The following NTM variants were observed in gnomAD, a reference collection of about 807,000 sequenced individuals.
NTM encodes IgLON family member 2.
A neutral mutation model predicts 42.1 loss-of-function variants in NTM; 13 were observed. The observed-to-expected ratio is 0.31, with a 90% CI of 0.20 to 0.49. NTM has a LOEUF of 0.49. NTM is among the 20% of genes least tolerant of loss of function. The pLI, the probability that NTM is intolerant of heterozygous loss-of-function variation, is 0.99. For missense variants in NTM, 373 were observed against 452.8 expected, an observed-to-expected ratio of 0.82 and a Z score of 1.60; for synonymous variants, 187 against 179.2, an observed-to-expected ratio of 1.04 and a Z score of -0.35.
At chr11:132,283,499 G>A (rs2094089981) in intron 4 of NTM, among the ~76,000 whole-genome samples, 1 of 152,116 alleles carries the variant, frequency 6.6e-6, no homozygotes, top group Non-Finnish European at 1.5e-5. Flanking sequence ...AGACAATTAG[G>A]ACAGCGATCA....
In NTM at chr11:131,833,445, A is replaced by C. The variant is rs78170902; in HGVS notation, c.83-78119A>C. ...TGTATCCCTATTTTACAGGGAAGAA[A>C]ACTAAAGCACAGAGAGGTTTATATG... On this transcript the variant is annotated intron_variant, in intron 1 of 8. Transcript: ENST00000683400. Among the ~76,000 whole-genome samples, 258 of 152,318 alleles carry C rather than the reference A, an allele frequency of 1.7e-3. 1 individual carries two copies. The highest frequency in any genetic ancestry group is 5.8e-3 in the African/African-American group (243 of 41,570).
At chr11:132,303,869 C>T (rs990463360) in intron 4 of NTM, among the ~76,000 whole-genome samples, 1 of 152,066 alleles carries the variant, frequency 6.6e-6, no homozygotes, top group Non-Finnish European at 1.5e-5. Flanking sequence ...TCTCCTGGGC[C>T]CCTCAGTGTC....
At chr11:131,445,418 T>A (rs1188295373) in intron 1 of NTM, among the ~76,000 whole-genome samples, 2 of 152,282 alleles carry the variant, frequency 1.3e-5, no homozygotes, top group East Asian at 3.9e-4. Flanking sequence ...TCACTTTTAG[T>A]TGAAGAGATG....
intron 2 of NTM, among the ~76,000 whole-genome samples, chr11:131,916,528 A>T (rs1347095030): frequency 6.6e-6 from 1 of 152,112 alleles, no homozygotes; most frequent in African/African-American, 2.4e-5. Flanking sequence ...GAGTTTTGAT[A>T]TGGGACTCCA....
At chr11:131,795,308 C>T (rs1591911953) in intron 1 of NTM, 2 of 723,374 alleles carry the variant, frequency 2.8e-6, no homozygotes, top group East Asian at 1.3e-4. Flanking sequence ...TGAGAGAATG[C>T]AGTGCCCAGG....
chr11:131,904,840 T>G (rs920020354), intron 1 of NTM, among the ~76,000 whole-genome samples: 3 of 151,988 alleles, frequency 2.0e-5, no homozygotes, highest in African/African-American at 7.2e-5. Context: ...GGCCTGACAG[T>G]GGGGTGGGAG....
rs376597604 is a variant in NTM, at chr11:131,912,246, T to C, written c.167+598T>C. Among the ~76,000 whole-genome samples, 7 of 152,274 alleles carry C rather than the reference T, an allele frequency of 4.6e-5. No individual in the cohort carries two copies. The South Asian group carries it at 8.3e-4, about 18-fold the overall frequency. ...ACGTGGCTTTCTGAGGCCCAAGTCA[T>C]GGAGTCTGATTTGTCCGTGGAAAAT... On this transcript the variant is annotated intron_variant, in intron 2 of 8. Coordinates refer to ENST00000683400, the MANE Select transcript of NTM (RefSeq NM_001352005.2).
chr11:132,049,832 C>T (rs1368854537), intron 2 of NTM, among the ~76,000 whole-genome samples: 1 of 152,150 alleles, frequency 6.6e-6, no homozygotes, highest in Non-Finnish European at 1.5e-5. Flanking sequence ...GCCGGTCAGA[C>T]ATGTCTCTGA....
At chr11:131,743,233 T>G (rs1565491459) in intron 1 of NTM, among the ~76,000 whole-genome samples, 1 of 138,582 alleles carries the variant, frequency 7.2e-6, no homozygotes, top group Non-Finnish European at 1.5e-5. Flanking sequence ...TTGTTAATGG[T>G]TTTTTTTTTT....
chr11:131,873,586 CCGTATATATAT>C (rs1276676991), intron 1 of NTM, among the ~76,000 whole-genome samples: 1,650 of 39,834 alleles, frequency 0.041, 150 homozygotes, highest in African/African-American at 0.082. Context: ...TATATATATA[CCGTATATATAT>C]ACATATATAT....
At chr11:131,500,821 G>A (rs1426704055) in intron 1 of NTM, among the ~76,000 whole-genome samples, 1 of 143,586 alleles carries the variant, frequency 7.0e-6, no homozygotes, top group Non-Finnish European at 1.5e-5. Flanking sequence ...ACCTATGAGT[G>A]AGTGAGAACA....
intron 2 of NTM, among the ~76,000 whole-genome samples, chr11:132,105,142 C>T (rs2062191262): frequency 1.3e-5 from 2 of 151,244 alleles, no homozygotes; most frequent in Admixed American, 6.6e-5. Flanking sequence ...ATCCCCATCA[C>T]TTTCCTCCCA....
chr11:131,680,387 CTG>C (rs377215170), intron 1 of NTM, among the ~76,000 whole-genome samples: 2 of 69,574 alleles, frequency 2.9e-5, no homozygotes, highest in South Asian at 5.0e-4. Context: ...CTGTGAGTGC[CTG>C]TGTGTGTGTG....
intron 1 of NTM, among the ~76,000 whole-genome samples, chr11:131,399,990 T>C (rs533410598): frequency 1.4e-4 from 21 of 152,278 alleles, no homozygotes; most frequent in African/African-American, 5.1e-4. Flanking sequence ...TATGAAAATA[T>C]CATTTTCATG....
chr11:132,022,006 G>T (rs1220239037), intron 2 of NTM, among the ~76,000 whole-genome samples: 1 of 152,166 alleles, frequency 6.6e-6, no homozygotes, highest in Non-Finnish European at 1.5e-5. Flanking sequence ...GTAGTCATTG[G>T]CCCTCCCCTC....
intron 1 of NTM, among the ~76,000 whole-genome samples, chr11:131,778,048 A>C (rs2087366740): frequency 6.6e-6 from 1 of 152,218 alleles, no homozygotes; most frequent in East Asian, 1.9e-4. Context: ...AAAAACTGAT[A>C]AGACTGTCAT....
At chr11:132,086,338 A>T (rs2059706748) in intron 2 of NTM, among the ~76,000 whole-genome samples, 1 of 151,704 alleles carries the variant, frequency 6.6e-6, no homozygotes, top group Non-Finnish European at 1.5e-5. Flanking sequence ...AAAAAAAAAA[A>T]AAATAGTGGC....
At chr11:131,413,345 C>T (rs545526942) in intron 1 of NTM, among the ~76,000 whole-genome samples, 85 of 152,304 alleles carry the variant, frequency 5.6e-4, no homozygotes, top group Admixed American at 9.1e-4. Context: ...TAAACAGGAG[C>T]GTGCTTCCTT....
chr11:132,003,655 A>G lies in NTM; in HGVS notation c.167+92007A>G, dbSNP rs140840560. Among the ~76,000 whole-genome samples, 369 of 152,224 alleles carry G rather than the reference A, an allele frequency of 2.4e-3. No individual in the cohort carries two copies. The highest frequency in any genetic ancestry group is 8.4e-3 in the African/African-American group (348 of 41,548). Reference sequence around the variant, plus strand: ...AGCTCTGTTGTTCACTCAAGAAGAAAAGGCTTTTCCTGGTAGGTCTGTCTG... The same window carrying G: ...AGCTCTGTTGTTCACTCAAGAAGAAGAGGCTTTTCCTGGTAGGTCTGTCTG... On this transcript the variant is annotated intron_variant, in intron 2 of 8. Transcript: ENST00000683400. This position sits in a 1 kb window ranked among gnomAD's most constrained non-coding sequence, Gnocchi z 6.0.
Sources: allele counts gnomAD v4.1 joint callset (sites outside exome capture counted in the v4.1 genomes callset), GRCh38; gene constraint gnomAD v4.1.1; non-coding constraint Gnocchi (gnomAD v3.1); transcripts MANE v1.5; gene names NCBI Gene and HGNC (gene_info 2026-07-23, HGNC 2026-07-21).